SSBP2: variants seen among roughly 807,000 people sequenced by gnomAD.
The protein encoded by SSBP2 is single-stranded DNA-binding protein 2.
Under a neutral mutation model 61.8 loss-of-function variants are expected in SSBP2, and 17 were observed. That is an observed-to-expected ratio of 0.28 (90% CI 0.19 to 0.41). SSBP2 has a LOEUF of 0.41. SSBP2 is among the 10% of genes least tolerant of loss of function. The pLI is 1.00. For synonymous variants in SSBP2, 139 were observed against 141.3 expected, an observed-to-expected ratio of 0.98 and a Z score of 0.12; for missense variants, 310 against 458.7, an observed-to-expected ratio of 0.68 and a Z score of 2.96.
chr5:81,440,659 C>T, intron 13 of SSBP2, 23 bp from the exon 14 acceptor site: 2 of 1,531,002 alleles, frequency 1.3e-6, no homozygotes, highest in Non-Finnish European at 1.8e-6. Flanking sequence ...TGAAGAAAAT[C>T]ACTGTAATCA....
At chr5:81,576,676 A>G (rs1774241490) in intron 4 of SSBP2, among the ~76,000 whole-genome samples, 1 of 152,088 alleles carries the variant, frequency 6.6e-6, no homozygotes, top group East Asian at 1.9e-4. Context: ...AAACTTTACC[A>G]AATACTGCCT....
chr5:81,581,548 T>C (rs1774648861), intron 4 of SSBP2, among the ~76,000 whole-genome samples: 2 of 152,218 alleles, frequency 1.3e-5, no homozygotes, highest in South Asian at 4.1e-4. Flanking sequence ...ATGGTAACTG[T>C]TTCTCATAGA....
chr5:81,521,593 T>C (rs1469179936), intron 4 of SSBP2, among the ~76,000 whole-genome samples: 1 of 152,026 alleles, frequency 6.6e-6, no homozygotes, highest in Non-Finnish European at 1.5e-5. Context: ...TTTTTGTTCC[T>C]TGGGATATCA....
At chr5:81,551,040 G>A (rs1400307643) in intron 4 of SSBP2, among the ~76,000 whole-genome samples, 2 of 143,068 alleles carry the variant, frequency 1.4e-5, no homozygotes, top group African/African-American at 2.7e-5. Context: ...ATCTTGCAGC[G>A]AGCGGAGATC....
chr5:81,745,698 T>C (rs73768115), intron 1 of SSBP2, among the ~76,000 whole-genome samples: 3,822 of 152,180 alleles, frequency 0.025, 175 homozygotes, highest in African/African-American at 0.087. Flanking sequence ...AATTATATAT[T>C]CCTAGTAGTT....
intron 1 of SSBP2, among the ~76,000 whole-genome samples, chr5:81,742,481 T>C (rs931561427): frequency 6.6e-6 from 1 of 152,154 alleles, no homozygotes; most frequent in Non-Finnish European, 1.5e-5. Context: ...TCACAAACCT[T>C]GCAACCACTG....
intron 1 of SSBP2, among the ~76,000 whole-genome samples, chr5:81,674,145 C>T (rs1751787617): frequency 6.6e-6 from 1 of 152,090 alleles, no homozygotes; most frequent in Admixed American, 6.6e-5. Context: ...GCTTAGTCTA[C>T]TATATCTAGA....
chr5:81,632,923 T>TTATA (rs1181261759), intron 3 of SSBP2, among the ~76,000 whole-genome samples: 1 of 152,146 alleles, frequency 6.6e-6, no homozygotes, highest in Non-Finnish European at 1.5e-5. Context: ...TTACTCAGCT[T>TTATA]TATAAGTCAT....
chr5:81,641,125 G>C (rs998737338), intron 2 of SSBP2, among the ~76,000 whole-genome samples: 1 of 152,132 alleles, frequency 6.6e-6, no homozygotes, highest in Non-Finnish European at 1.5e-5. Flanking sequence ...CGGGAGGTAG[G>C]ATTAGACTCA....
chr5:81,536,386 G>T (rs890128974), intron 4 of SSBP2, among the ~76,000 whole-genome samples: 26 of 152,018 alleles, frequency 1.7e-4, no homozygotes, highest in African/African-American at 6.3e-4. Context: ...TTGTGTCATG[G>T]GGGTTCGTTG....
At chr5:81,543,046 G>A (rs181684647) in intron 4 of SSBP2, among the ~76,000 whole-genome samples, 2 of 152,108 alleles carry the variant, frequency 1.3e-5, no homozygotes, top group East Asian at 3.9e-4. Flanking sequence ...GTAGAGACGG[G>A]GTTTCACCAT....
At position 81,437,459 on chromosome 5, in the gene SSBP2, C is replaced by G; in HGVS notation, c.929-1G>C. ...GAAATACTGTCCATATCTCCTGAGC[C>G]TGAAACAAAATATAAAAAGAAAGCC... On this transcript the variant is annotated splice_acceptor_variant, in intron 14 of 16. Coordinates refer to ENST00000320672, the MANE Select transcript of SSBP2 (RefSeq NM_012446.5). LOFTEE classifies it high-confidence loss of function. The G allele has an allele frequency of 6.2e-7, 1 of 1,603,518 alleles. No individual in the cohort carries two copies. The highest frequency in any genetic ancestry group is 8.5e-7 in the Non-Finnish European group (1 of 1,177,008).
intron 4 of SSBP2, among the ~76,000 whole-genome samples, chr5:81,532,942 T>C (rs1001688055): frequency 6.6e-6 from 1 of 151,938 alleles, no homozygotes; most frequent in Non-Finnish European, 1.5e-5. Context: ...CAATTATAGG[T>C]AGAGATTTTA....
intron 4 of SSBP2, among the ~76,000 whole-genome samples, chr5:81,551,096 GAA>G (rs35816072): frequency 8.7e-5 from 7 of 80,210 alleles, no homozygotes; most frequent in Non-Finnish European, 1.5e-4. Flanking sequence ...ACTCCATCTC[GAA>G]AAAAAAAAAA....
intron 5 of SSBP2, among the ~76,000 whole-genome samples, chr5:81,501,799 G>A (rs562903904): frequency 8.0e-4 from 121 of 151,828 alleles, no homozygotes; most frequent in Middle Eastern, 3.4e-3. Context: ...ATCTGACCTC[G>A]TGATCCTCCC....
intron 16 of SSBP2, among the ~76,000 whole-genome samples, chr5:81,424,268 A>G (rs1363600598): frequency 5.3e-5 from 8 of 152,054 alleles, no homozygotes; most frequent in Admixed American, 5.2e-4. Context: ...TACTAAAAAT[A>G]CAAAAATTAG....
chr5:81,582,946 C>T (rs1037210934), intron 4 of SSBP2, among the ~76,000 whole-genome samples: 2 of 152,106 alleles, frequency 1.3e-5, no homozygotes, highest in Non-Finnish European at 2.9e-5. Flanking sequence ...ACAGGCCAGG[C>T]ACAGAGGCTC....
At chr5:81,438,149 A>G (rs948052404) in intron 14 of SSBP2, among the ~76,000 whole-genome samples, 7 of 152,246 alleles carry the variant, frequency 4.6e-5, no homozygotes, top group African/African-American at 1.7e-4. Context: ...CCGGAGTTCG[A>G]GACCAGCCTG....
chr5:81,646,186 A>G (rs997945791), intron 2 of SSBP2, among the ~76,000 whole-genome samples: 9 of 152,194 alleles, frequency 5.9e-5, no homozygotes, highest in African/African-American at 2.2e-4. Flanking sequence ...GACCCAGCAC[A>G]GTAAAACCTG....
Sources: allele counts gnomAD v4.1 joint callset (sites outside exome capture counted in the v4.1 genomes callset), GRCh38; gene constraint gnomAD v4.1.1; transcripts MANE v1.5; gene names NCBI Gene and HGNC (gene_info 2026-07-23, HGNC 2026-07-21).